Variants in HACD1 observed in about 807,000 individuals in gnomAD.
HACD1 encodes 3-hydroxyacyl-CoA dehydratase 1.
A neutral mutation model predicts 32.0 loss-of-function variants in HACD1; 41 were observed. The ratio of observed to expected loss-of-function variants is 1.28; its 90% CI spans 1.00 to 1.66. HACD1 has a LOEUF of 1.66. Among genes scored for constraint, HACD1 ranks in the 40% most tolerant of loss-of-function variants. The pLI, the probability that HACD1 is intolerant of heterozygous loss-of-function variation, is 0.00. For synonymous variants in HACD1, 142 were observed against 139.0 expected (o/e 1.02, Z -0.15); for missense variants, 396 against 380.1 (o/e 1.04, Z -0.35).
intron 1 of HACD1, among the ~76,000 whole-genome samples, chr10:17,607,108 G>T (rs1447746308): frequency 1.3e-5 from 2 of 152,118 alleles, no homozygotes; most frequent in Non-Finnish European, 2.9e-5. Context: ...GAGAGTCTAT[G>T]CTCAAATATT....
intron 1 of HACD1, among the ~76,000 whole-genome samples, chr10:17,612,461 G>A (rs983656816): frequency 1.3e-5 from 2 of 152,216 alleles, no homozygotes; most frequent in African/African-American, 4.8e-5. Flanking sequence ...TAATGGAGAT[G>A]ACAGACAATA....
At chr10:17,604,480 C>CAAAAA (rs11354623) in intron 1 of HACD1, among the ~76,000 whole-genome samples, 16 of 82,292 alleles carry the variant, frequency 1.9e-4, no homozygotes, top group Non-Finnish European at 2.7e-4. Flanking sequence ...CTGTCCGTCT[C>CAAAAA]AAAAAAAAAA....
Position 17,608,320 on chromosome 10 carries a change from G to A in HACD1, c.258-4273C>T, listed in dbSNP as rs111387686. Among the ~76,000 whole-genome samples, 1,244 of 152,068 alleles carry A rather than the reference G, an allele frequency of 8.2e-3. 15 individuals are homozygous for A. The highest frequency in any genetic ancestry group is 0.029 in the African/African-American group (1,189 of 41,468). On this transcript the variant is annotated intron_variant, in intron 1 of 6. Transcript: ENST00000361271. ...TGGGATTACCGGTGTGAGCCACTGCGCCTGGCCAGACTCTCTCTTTTGTGA... is the reference window on the plus strand; with the variant it reads ...TGGGATTACCGGTGTGAGCCACTGCACCTGGCCAGACTCTCTCTTTTGTGA...
intron 4 of HACD1, among the ~76,000 whole-genome samples, chr10:17,601,319 C>T (rs1031369129): frequency 6.6e-6 from 1 of 152,188 alleles, no homozygotes; most frequent in Non-Finnish European, 1.5e-5. Flanking sequence ...TAGGCGTGAG[C>T]CACCCCACCC....
In HACD1 at chr10:17,602,639, A is replaced by G. The variant is rs111320119; in HGVS notation, c.483+921T>C. 7.5e-3 allele frequency among the ~76,000 whole-genome samples: 1,137 copies of G among 152,296 alleles called. 12 individuals are homozygous for G. Among genetic ancestry groups the G allele is most frequent in the African/African-American group, 0.026 (1,096 of 41,558 alleles). On this transcript the variant is annotated intron_variant, in intron 4 of 6. Coordinates refer to ENST00000361271, the MANE Select transcript of HACD1 (RefSeq NM_014241.4). ...ATGGCTAAATCAAGCTAACGAACCT[A>G]TGTATTACCTTATGTACTTATTTAT... is the stretch of plus-strand genomic sequence containing the variant.
At chr10:17,592,385 T>G (rs1833940703) in intron 6 of HACD1, among the ~76,000 whole-genome samples, 1 of 152,136 alleles carries the variant, frequency 6.6e-6, no homozygotes, top group African/African-American at 2.4e-5. Context: ...AAAGTACTTT[T>G]AATTAGCAAA....
chr10:17,601,254 G>A (rs886554031), intron 4 of HACD1, among the ~76,000 whole-genome samples: 7 of 151,884 alleles, frequency 4.6e-5, no homozygotes, highest in East Asian at 1.9e-4. Context: ...GGCTGGTCTC[G>A]AACTCCTGAC....
chr10:17,617,044 G>A, intron 1 of HACD1, 39 bp downstream of exon 1: 2 of 1,385,966 alleles, frequency 1.4e-6, no homozygotes, highest in Non-Finnish European at 9.3e-7. Flanking sequence ...GCGGACCGCG[G>A]CGCGGGGAGG....
chr10:17,605,117 C>T lies in HACD1; in HGVS notation c.258-1070G>A, dbSNP rs542271509. 3.3e-5 allele frequency among the ~76,000 whole-genome samples: 5 copies of T among 152,094 alleles called. No homozygotes were observed. The East Asian group carries it at 7.7e-4, about 23-fold the overall frequency. On this transcript the variant is annotated intron_variant, in intron 1 of 6. Coordinates refer to ENST00000361271, the MANE Select transcript of HACD1 (RefSeq NM_014241.4). ...GACAGATGGGGCAATGAGGAGTTAG[C>T]GTTCACTGGGTGCAGAGTTTCAGTT... is the stretch of plus-strand genomic sequence containing the variant.
intron 4 of HACD1, among the ~76,000 whole-genome samples, chr10:17,601,350 T>G (rs1165951587): frequency 6.6e-6 from 1 of 152,186 alleles, no homozygotes; most frequent in Non-Finnish European, 1.5e-5. Context: ...TTCATTTCTG[T>G]AAATCCAGAA....
intron 1 of HACD1, among the ~76,000 whole-genome samples, chr10:17,610,507 G>A (rs1405440739): frequency 6.6e-6 from 1 of 152,048 alleles, no homozygotes; most frequent in African/African-American, 2.4e-5. Flanking sequence ...AAATTAGCCA[G>A]GTGTGGTGGC....
chr10:17,603,506 T>G (rs1160853431), intron 4 of HACD1, 54 bp downstream of exon 4: 3 of 1,433,684 alleles, frequency 2.1e-6, no homozygotes, highest in Non-Finnish European at 2.9e-6. Context: ...TAGATTCCTA[T>G]GAATGGAAAG....
intron 1 of HACD1, among the ~76,000 whole-genome samples, chr10:17,616,182 A>T (rs1833080517): frequency 6.6e-6 from 1 of 151,782 alleles, no homozygotes; most frequent in African/African-American, 2.4e-5. Flanking sequence ...GGCAGAAGAA[A>T]GGCATGAACC....
chr10:17,594,745 C>T (rs1176764726), intron 5 of HACD1, among the ~76,000 whole-genome samples: 3 of 152,088 alleles, frequency 2.0e-5, no homozygotes, highest in Admixed American at 6.6e-5. Context: ...AGTCTTGGCT[C>T]ACTGCAACCT....
chr10:17,590,881 G>A (rs1833920047), intron 6 of HACD1, among the ~76,000 whole-genome samples: 1 of 152,112 alleles, frequency 6.6e-6, no homozygotes, highest in Non-Finnish European at 1.5e-5. Flanking sequence ...CACCAGGTTG[G>A]TCAGCCTGGT....
Position 17,616,997 on chromosome 10 carries a change from T to C in HACD1, c.257+86A>G, listed in dbSNP as rs11254691. On this transcript the variant is annotated intron_variant, in intron 1 of 6. Coordinates refer to ENST00000361271, the MANE Select transcript of HACD1 (RefSeq NM_014241.4). ...CGCTGCCCGCACCCCCCGCGCCCCT[T>C]ACACCCCGGCCCGCGCCCCCTGAAC... 159,610 of 1,272,098 alleles carry C rather than the reference T, an allele frequency of 0.13. 11,063 individuals are homozygous for C. Among genetic ancestry groups the C allele is most frequent in the East Asian group, 0.35 (10,519 of 30,390 alleles). 78.8% of individuals were successfully genotyped at this position (1,272,098 alleles called of 1,614,324 possible).
chr10:17,594,685 T>C (rs1003604526), intron 5 of HACD1, among the ~76,000 whole-genome samples: 14 of 152,132 alleles, frequency 9.2e-5, no homozygotes, highest in South Asian at 2.1e-4. Context: ...TTCTTGTTTT[T>C]GTTTTGAGAT....
In HACD1 at chr10:17,594,843, T is replaced by G. The variant is rs1833974444; in HGVS notation, c.606-460A>C. The stretch of plus-strand genomic sequence containing the variant: ...TGTGCCACCATACCCAGCTAATTTT[T>G]GGTGTTTTTTTTTTTTGTTTTTTGT... On this transcript the variant is annotated intron_variant, in intron 5 of 6. Coordinates refer to ENST00000361271, the MANE Select transcript of HACD1 (RefSeq NM_014241.4). Among the ~76,000 whole-genome samples the G allele has an allele frequency of 2.7e-5, 4 of 149,656 alleles. No homozygotes were observed. In the South Asian group the frequency reaches 8.5e-4, roughly 32 times the overall value.
intron 6 of HACD1, 132 bp downstream of exon 6, chr10:17,594,073 A>G: frequency 2.5e-6 from 2 of 798,770 alleles, no homozygotes; most frequent in Non-Finnish European, 3.4e-6. Flanking sequence ...ATCAGTAAAT[A>G]TGGAGTTAAA....
Sources: allele counts gnomAD v4.1 joint callset (sites outside exome capture counted in the v4.1 genomes callset), GRCh38; gene constraint gnomAD v4.1.1; transcripts MANE v1.5; gene names NCBI Gene and HGNC (gene_info 2026-07-23, HGNC 2026-07-21).